The following CLSTN2 variants were observed in gnomAD, a reference collection of about 807,000 sequenced individuals.
The protein encoded by CLSTN2 is calsyntenin 2.
Under a neutral mutation model 101.2 loss-of-function variants are expected in CLSTN2, and 48 were observed. The ratio of observed to expected loss-of-function variants is 0.47; its 90% CI spans 0.38 to 0.60. The LOEUF is 0.60. CLSTN2 is among the 20% of genes least tolerant of loss of function. CLSTN2 has a pLI of 0.00. For synonymous variants in CLSTN2, 481 were observed against 463.6 expected (o/e 1.04, Z -0.48); for missense variants, 1,160 against 1,238.2 (o/e 0.94, Z 0.95).
intron 2 of CLSTN2, among the ~76,000 whole-genome samples, chr3:140,322,505 G>C (rs1219092367): frequency 6.6e-6 from 1 of 152,200 alleles, no homozygotes. Flanking sequence ...GACAGAGGAG[G>C]AACCTCAAAT....
At chr3:140,374,194 C>T (rs549536175) in intron 2 of CLSTN2, among the ~76,000 whole-genome samples, 3 of 152,336 alleles carry the variant, frequency 2.0e-5, no homozygotes, top group South Asian at 4.1e-4. Flanking sequence ...TGATCTGGTC[C>T]TGATTTACTG....
At chr3:140,533,428 G>A (rs149301946) in intron 9 of CLSTN2, among the ~76,000 whole-genome samples, 5 of 152,184 alleles carry the variant, frequency 3.3e-5, no homozygotes, top group Non-Finnish European at 5.9e-5. Flanking sequence ...AGAATATGCC[G>A]GCCGTGCACA....
At chr3:139,943,381 G>A (rs1045513906) in intron 1 of CLSTN2, among the ~76,000 whole-genome samples, 3 of 152,156 alleles carry the variant, frequency 2.0e-5, no homozygotes, top group African/African-American at 7.2e-5. Context: ...CAAGGTGGCA[G>A]CATGTATGCC....
intron 16 of CLSTN2, among the ~76,000 whole-genome samples, chr3:140,565,416 A>C (rs1017968000): frequency 2.0e-5 from 3 of 151,570 alleles, no homozygotes; most frequent in Non-Finnish European, 4.4e-5. Flanking sequence ...ATAAATCCAG[A>C]AATGAAATTT....
chr3:140,257,377 T>C (rs2107880086), intron 2 of CLSTN2, among the ~76,000 whole-genome samples: 1 of 152,258 alleles, frequency 6.6e-6, no homozygotes, highest in Non-Finnish European at 1.5e-5. Context: ...GAAAAAAGTC[T>C]TGTATTTGGA....
At chr3:140,135,087 A>AACACACAC (rs780837347) in intron 1 of CLSTN2, among the ~76,000 whole-genome samples, 2 of 51,428 alleles carry the variant, frequency 3.9e-5, no homozygotes, top group African/African-American at 1.1e-4. Flanking sequence ...CTCTCAAAAA[A>AACACACAC]ACACACACAC....
intron 2 of CLSTN2, among the ~76,000 whole-genome samples, chr3:140,230,865 C>T (rs2086365407): frequency 1.3e-5 from 2 of 152,070 alleles, no homozygotes; most frequent in African/African-American, 4.8e-5. Flanking sequence ...CAAAGCACTC[C>T]TTCATTATAT....
chr3:140,182,457 C>T (rs1207946274), intron 2 of CLSTN2, among the ~76,000 whole-genome samples: 3 of 152,176 alleles, frequency 2.0e-5, no homozygotes, highest in Admixed American at 2.0e-4. Flanking sequence ...GCACAGGACC[C>T]AGCCTTCTTC....
chr3:140,293,458 A>G (rs2086973498), intron 2 of CLSTN2, among the ~76,000 whole-genome samples: 1 of 152,190 alleles, frequency 6.6e-6, no homozygotes. Flanking sequence ...TGTCTTCCAC[A>G]TACATGTATC....
chr3:140,059,943 G>T (rs746764563), intron 1 of CLSTN2, among the ~76,000 whole-genome samples: 1 of 152,102 alleles, frequency 6.6e-6, no homozygotes, highest in African/African-American at 2.4e-5. Flanking sequence ...CTAATACACC[G>T]ATCTGGGGAG....
At position 140,176,019 on chromosome 3, in the gene CLSTN2, A is replaced by G; in HGVS notation, c.178A>G (p.Ile60Val). The G allele has an allele frequency of 6.2e-7, 1 of 1,613,880 alleles. No homozygotes were observed. The highest frequency in any genetic ancestry group is 8.5e-7 in the Non-Finnish European group (1 of 1,179,834). The part of the protein sequence containing the change: ...GVITENNDTV[I>V]LDPPLVALDK... ...CATAACTGAGAACAATGACACAGTC[A>G]TTTTGGACCCACCACTGGTAGCCCT... The change falls in exon 2 of 17, where the codon ATT becomes GTT. Residue 60 changes from isoleucine to valine, a missense_variant. Coordinates refer to ENST00000458420, the MANE Select transcript of CLSTN2 (RefSeq NM_022131.3).
intron 1 of CLSTN2, among the ~76,000 whole-genome samples, chr3:139,981,678 T>C (rs1935924738): frequency 6.6e-6 from 1 of 152,194 alleles, no homozygotes. Context: ...CTAAATCAAT[T>C]TCAATTAGCT....
At chr3:140,140,770 G>A (rs1159423134) in intron 1 of CLSTN2, among the ~76,000 whole-genome samples, 1 of 152,168 alleles carries the variant, frequency 6.6e-6, no homozygotes, top group Non-Finnish European at 1.5e-5. Context: ...GGCAAAGTCA[G>A]GATTGAACTC....
intron 1 of CLSTN2, among the ~76,000 whole-genome samples, chr3:140,067,034 A>G (rs2008311729): frequency 6.6e-6 from 1 of 152,216 alleles, no homozygotes; most frequent in African/African-American, 2.4e-5. Context: ...CCCAACATCC[A>G]GTCTGTGTGA....
intron 1 of CLSTN2, among the ~76,000 whole-genome samples, chr3:140,142,864 C>T (rs2009721796): frequency 6.6e-6 from 1 of 152,192 alleles, no homozygotes; most frequent in Non-Finnish European, 1.5e-5. Flanking sequence ...GTCCACCCCA[C>T]AGGAAGTCAG....
intron 2 of CLSTN2, among the ~76,000 whole-genome samples, chr3:140,363,002 A>G (rs1347089821): frequency 6.6e-6 from 1 of 152,186 alleles, no homozygotes; most frequent in African/African-American, 2.4e-5. Context: ...GATATGAAAA[A>G]TACATGTCTA....
At chr3:140,108,176 A>G (rs1470354250) in intron 1 of CLSTN2, among the ~76,000 whole-genome samples, 11 of 152,086 alleles carry the variant, frequency 7.2e-5, no homozygotes, top group Admixed American at 3.3e-4. Flanking sequence ...TACAGGTAGA[A>G]CCACCATATC....
chr3:140,561,486 G>A (rs1262337164), intron 12 of CLSTN2, among the ~76,000 whole-genome samples: 1 of 152,174 alleles, frequency 6.6e-6, no homozygotes, highest in Non-Finnish European at 1.5e-5. Flanking sequence ...GCTCCCCTGG[G>A]AGTACATTAA....
intron 2 of CLSTN2, among the ~76,000 whole-genome samples, chr3:140,354,540 C>T (rs984436879): frequency 1.3e-5 from 2 of 152,162 alleles, no homozygotes; most frequent in African/African-American, 2.4e-5. Flanking sequence ...AAAAGGATCT[C>T]TGTCTTTTAC....
Sources: gnomAD v4.1 joint callset for allele counts (sites outside exome capture counted in the v4.1 genomes callset) on GRCh38, gnomAD v4.1.1 for gene constraint, MANE v1.5 for transcripts, NCBI Gene and HGNC (gene_info 2026-07-23, HGNC 2026-07-21) for gene names.